UNC79: variants seen among roughly 807,000 people sequenced by gnomAD.
The protein encoded by UNC79 is protein unc-79 homolog.
UNC79 carries 37 observed loss-of-function variants against 283.1 expected under a neutral mutation model. That is an observed-to-expected ratio of 0.13 (90% CI 0.10 to 0.17). The LOEUF (loss-of-function observed/expected upper bound fraction) is 0.17. Among genes scored for constraint, UNC79 ranks in the 10% least tolerant of loss-of-function variants. UNC79 has a pLI of 1.00. For synonymous variants in UNC79, 1,107 were observed against 1,200.2 expected (o/e 0.92, Z 1.61); for missense variants, 2,272 against 3,211.1 (o/e 0.71, Z 7.07).
intron 1 of UNC79, among the ~76,000 whole-genome samples, chr14:93,333,991 A>G (rs1228195867): frequency 6.6e-6 from 1 of 152,188 alleles, no homozygotes; most frequent in Non-Finnish European, 1.5e-5. Flanking sequence ...AACTCTGGGA[A>G]TTTATTTGAA....
In UNC79 at chr14:93,688,794, C is replaced by T. The variant is rs775979221; in HGVS notation, c.7039C>T (p.Arg2347Cys). ...CCACAGAGATAACAAAGCTGTGATC[C>T]GCTATCTGCCTTGGCTTTATCATCC... is the stretch of plus-strand genomic sequence containing the variant. The change falls in exon 44 of 49, where the codon CGC (arginine) becomes TGC (cysteine). Residue 2347 changes from arginine (R) to cysteine (C), a missense_variant. Arg to Cys is a radical substitution (Grantham distance 180, BLOSUM62 -3). Transcript: ENST00000555664. This position sits in a 1 kb window ranked among gnomAD's most constrained non-coding sequence, Gnocchi z 4.0. 3.7e-6 allele frequency: 6 copies of T among 1,613,984 alleles called. No individual in the cohort carries two copies. Among genetic ancestry groups the T allele is most frequent in the Non-Finnish European group, 5.1e-6 (6 of 1,179,986 alleles).
intron 1 of UNC79, among the ~76,000 whole-genome samples, chr14:93,385,966 C>A (rs1322562889): frequency 1.3e-5 from 2 of 152,010 alleles, no homozygotes; most frequent in African/African-American, 2.4e-5. Context: ...CCCTTTATTT[C>A]TTTCTCTTGT....
intron 14 of UNC79, among the ~76,000 whole-genome samples, chr14:93,556,780 A>G (rs993886744): frequency 2.0e-5 from 3 of 152,174 alleles, no homozygotes; most frequent in Non-Finnish European, 4.4e-5. Flanking sequence ...TAGCTTGGCT[A>G]TCCCCTTTTA....
upstream of UNC79, among the ~76,000 whole-genome samples, chr14:93,429,444 A>G (rs1011532921): frequency 6.6e-6 from 1 of 152,168 alleles, no homozygotes; most frequent in Non-Finnish European, 1.5e-5. Context: ...TTTTGCAAAT[A>G]CCATGAAACT....
chr14:93,622,204 C>T (rs546974214), exon 30 of UNC79: 6 of 1,614,152 alleles, frequency 3.7e-6, no homozygotes, highest in South Asian at 1.1e-5. Flanking sequence ...AAGGCGATGA[C>T]GGCCCCTCCG....
chr14:93,379,431 T>C lies in UNC79; in HGVS notation c.-351+45908T>C, dbSNP rs205320. Among the ~76,000 whole-genome samples, 47 of 152,188 alleles carry C rather than the reference T, an allele frequency of 3.1e-4. No individual in the cohort carries two copies. In the East Asian group the frequency reaches 6.4e-3, roughly 21 times the overall value. On this transcript the variant is annotated intron_variant, in intron 1 of 49. Transcript: ENST00000256339. ...GGTTGGCAAATTAGGGAGATTTCTG[T>C]AGTTGGCCATAAATATTAAAGGTTT...
downstream of UNC79, chr14:93,707,756 C>T (rs936675050): frequency 3.9e-5 from 6 of 152,234 alleles, no homozygotes; most frequent in East Asian, 1.9e-4. Context: ...CTATACCTAG[C>T]GTTGGACTGT....
At chr14:93,345,646 G>A (rs2053809335) in intron 1 of UNC79, among the ~76,000 whole-genome samples, 1 of 152,070 alleles carries the variant, frequency 6.6e-6, no homozygotes, top group Admixed American at 6.6e-5. Flanking sequence ...GGGACAAAAC[G>A]TTGATGAGTG....
intron 47 of UNC79, among the ~76,000 whole-genome samples, chr14:93,699,259 C>A (rs151239791): frequency 1.3e-5 from 2 of 152,050 alleles, no homozygotes; most frequent in Non-Finnish European, 2.9e-5. Flanking sequence ...TTCTTTGTCT[C>A]CTGTCCTCTC....
At chr14:93,577,027 C>T (rs1405967352) in intron 17 of UNC79, among the ~76,000 whole-genome samples, 1 of 118,598 alleles carries the variant, frequency 8.4e-6, no homozygotes, top group Admixed American at 8.7e-5. Flanking sequence ...GAGACCTTGT[C>T]TCTACAAAAA....
At chr14:93,336,682 T>C (rs1566875885) in intron 1 of UNC79, among the ~76,000 whole-genome samples, 1 of 152,134 alleles carries the variant, frequency 6.6e-6, no homozygotes, top group Non-Finnish European at 1.5e-5. Context: ...TTAATAAAGG[T>C]TTTAGAAAAT....
chr14:93,518,973 C>T (rs1028983110), intron 7 of UNC79, among the ~76,000 whole-genome samples: 1 of 151,856 alleles, frequency 6.6e-6, no homozygotes, highest in Non-Finnish European at 1.5e-5. Context: ...AAATGTTGCA[C>T]GTGTACTTTA....
At chr14:93,509,560 A>G (rs2059716634) in intron 7 of UNC79, among the ~76,000 whole-genome samples, 1 of 152,152 alleles carries the variant, frequency 6.6e-6, no homozygotes, top group African/African-American at 2.4e-5. Flanking sequence ...GGCCAAAACA[A>G]AGGGGCTACA....
At chr14:93,704,992 T>C (rs1164619354) in intron 48 of UNC79, among the ~76,000 whole-genome samples, 2 of 152,078 alleles carry the variant, frequency 1.3e-5, no homozygotes, top group African/African-American at 4.8e-5. Flanking sequence ...CCCAGCACTT[T>C]GAGAGGCCAT....
intron 1 of UNC79, among the ~76,000 whole-genome samples, chr14:93,396,833 C>G (rs1490681611): frequency 7.1e-6 from 1 of 141,066 alleles, no homozygotes; most frequent in Non-Finnish European, 1.6e-5. Flanking sequence ...AACTCTCAGC[C>G]AAGCAACTGA....
intron 1 of UNC79, among the ~76,000 whole-genome samples, chr14:93,432,636 A>AT (rs1398081847): frequency 6.6e-6 from 1 of 152,194 alleles, no homozygotes; most frequent in African/African-American, 2.4e-5. Context: ...TACATTCAAA[A>AT]TTAAGTTTTG....
intron 25 of UNC79, among the ~76,000 whole-genome samples, chr14:93,601,206 G>T (rs2065478095): frequency 6.6e-6 from 1 of 152,110 alleles, no homozygotes; most frequent in African/African-American, 2.4e-5. Context: ...CGTCACCTGA[G>T]CATTGTACAT....
chr14:93,417,489 AATTATGTGTC>A lies in UNC79; in HGVS notation c.-350-50181_-350-50172del, dbSNP rs1298827141. On this transcript the variant is annotated intron_variant, in intron 1 of 49. Coordinates refer to the UNC79 transcript ENST00000256339. The stretch of plus-strand genomic sequence containing the variant: ...TCATTTCAACTTTGGTAAATCTGAC[AATTATGTGTC>A]TTGGAGTTGCTCTTCTCGAGGAGTG... Among the ~76,000 whole-genome samples the A allele has an allele frequency of 2.0e-5, 3 of 151,876 alleles. No individual in the cohort carries two copies. In the East Asian group the frequency reaches 5.8e-4, roughly 29 times the overall value.
At chr14:93,520,576 G>A (rs755370645) in intron 7 of UNC79, among the ~76,000 whole-genome samples, 37 of 151,760 alleles carry the variant, frequency 2.4e-4, no homozygotes, top group Non-Finnish European at 5.2e-4. Flanking sequence ...TATATGTAAG[G>A]TAAAACTGCC....
Sources: gnomAD v4.1 joint callset for allele counts (sites outside exome capture counted in the v4.1 genomes callset) on GRCh38, gnomAD v4.1.1 for gene constraint, Gnocchi (gnomAD v3.1) non-coding constraint, MANE v1.5 for transcripts, NCBI Gene and HGNC (gene_info 2026-07-23, HGNC 2026-07-21) for gene names.